Variants in MAPK3 observed in about 807,000 individuals in gnomAD.
MAPK3 encodes the protein MAPK 1.
MAPK3 carries 30 observed loss-of-function variants against 41.8 expected under a neutral mutation model. That is an observed-to-expected ratio of 0.72 (90% CI 0.54 to 0.97). The LOEUF (loss-of-function observed/expected upper bound fraction) is 0.97. MAPK3 is among the 50% of genes least tolerant of loss of function. The pLI is 0.00. For synonymous variants in MAPK3, 222 were observed against 213.4 expected, an observed-to-expected ratio of 1.04 and a Z score of -0.35; for missense variants, 413 against 509.9, an observed-to-expected ratio of 0.81 and a Z score of 1.83.
chr16:30,116,370 C>T (rs1190098471), intron 8 of MAPK3, among the ~76,000 whole-genome samples: 1 of 151,746 alleles, frequency 6.6e-6, no homozygotes, highest in Non-Finnish European at 1.5e-5. Flanking sequence ...GATGGGATTT[C>T]ACCATGCAGG....
At position 30,117,302 on chromosome 16, in the gene MAPK3, G is replaced by C. The variant is rs1415011125; in HGVS notation, c.776-17C>G. The C allele has an allele frequency of 6.2e-7, 1 of 1,613,232 alleles. No individual in the cohort carries two copies. On this transcript the variant is annotated splice_polypyrimidine_tract_variant and intron_variant, in intron 5 of 8. Coordinates refer to ENST00000263025, the MANE Select transcript of MAPK3 (RefSeq NM_002746.3). ...CCAGGATGCCTGTGGATAAGGAGGT[G>C]ACTTGGTAAATGATCACCTCTTTCT...
At chr16:30,117,412 A>G (rs2072967769) in intron 5 of MAPK3, 127 bp from the exon 6 acceptor site, 1 of 978,744 alleles carries the variant, frequency 1.0e-6, no homozygotes, top group South Asian at 1.5e-5. Flanking sequence ...CCTCCTAGTC[A>G]TTAGCATGGT....
chr16:30,122,991 C>T, intron 1 of MAPK3, 49 bp downstream of exon 1: 1 of 1,362,750 alleles, frequency 7.3e-7, no homozygotes, highest in Non-Finnish European at 9.7e-7. Flanking sequence ...TCCTCTCCCG[C>T]GAAGCCCCCT....
At chr16:30,123,011 G>A (rs2073032591) in intron 1 of MAPK3, 29 bp downstream of exon 1, 2 of 1,457,266 alleles carry the variant, frequency 1.4e-6, no homozygotes, top group Non-Finnish European at 1.8e-6. Flanking sequence ...TCCCCTGAGG[G>A]CACCCCCTCC....
chr16:30,123,181 C>G lies in MAPK3; in HGVS notation c.29G>C (p.Gly10Ala). 1 of 1,344,234 alleles carries G rather than the reference C, an allele frequency of 7.4e-7. No homozygotes were observed. Among genetic ancestry groups the G allele is most frequent in the Middle Eastern group, 2.5e-4 (1 of 3,966 alleles). 83.3% of individuals were successfully genotyped at this position (1,344,234 alleles called of 1,614,324 possible). ...CTCGGTTCTACGGGGCTCCCCGCCCCCGCCCCCCTGAGCCGCCGCCGCCGC... is the reference window on the plus strand; with the variant it reads ...CTCGGTTCTACGGGGCTCCCCGCCCGCGCCCCCCTGAGCCGCCGCCGCCGC... MAAAAAQGG[G>A]GGEPRRTEGV... is the part of the protein sequence containing the mutation. The change falls in exon 1 of 9, where the codon GGG becomes GCG. Residue 10 changes from glycine to alanine, a missense_variant. Physicochemically the swap from Gly to Ala is moderately conservative, Grantham distance 60 (BLOSUM62 0). Coordinates refer to ENST00000263025, the MANE Select transcript of MAPK3 (RefSeq NM_002746.3).
chr16:30,122,038 G>C (rs748169937), intron 1 of MAPK3, 32 bp from the exon 2 acceptor site: 1 of 1,611,982 alleles, frequency 6.2e-7, no homozygotes, highest in East Asian at 2.2e-5. Flanking sequence ...TGCTGCTGTG[G>C]CCTTACAAAG....
chr16:30,116,985 C>T lies in MAPK3; in HGVS notation c.926G>A (p.Arg309Gln), dbSNP rs1019644388. 2.5e-5 allele frequency: 40 copies of T among 1,606,972 alleles called. No individual in the cohort carries two copies. The highest frequency in any genetic ancestry group is 3.3e-4 in the Middle Eastern group (2 of 6,050). The change falls in exon 7 of 9, where the codon CGG becomes CAG. Residue 309 changes from arginine (R) to glutamine (Q), a missense_variant. By Grantham distance (43) the Arg-to-Gln change is conservative. Transcript: ENST00000263025. Reference protein sequence around the residue: ...SDSKALDLLDRMLTFNPNKRI... With the variant: ...SDSKALDLLDQMLTFNPNKRI... ...TTTATTGGGGTTAAAGGTTAACATC[C>T]GGTCCAGCAGGTCAAGGGCTATGGA...
At chr16:30,120,432 T>C (rs1041620249) in intron 2 of MAPK3, among the ~76,000 whole-genome samples, 3 of 152,028 alleles carry the variant, frequency 2.0e-5, no homozygotes, top group Non-Finnish European at 2.9e-5. Context: ...AGGGAAGAAG[T>C]GACAGGTGTC....
intron 2 of MAPK3, among the ~76,000 whole-genome samples, chr16:30,120,082 T>C (rs1265019513): frequency 6.6e-6 from 1 of 152,142 alleles, no homozygotes; most frequent in Non-Finnish European, 1.5e-5. Flanking sequence ...GGCAGGAGAA[T>C]AGCTTGAACC....
chr16:30,119,402 T>C (rs892809739), intron 2 of MAPK3, among the ~76,000 whole-genome samples: 2 of 152,146 alleles, frequency 1.3e-5, no homozygotes, highest in Admixed American at 6.6e-5. Context: ...TCCTTCCACC[T>C]CGGCCTCCCA....
chr16:30,119,362 G>A (rs1200947672), intron 2 of MAPK3, among the ~76,000 whole-genome samples: 2 of 152,044 alleles, frequency 1.3e-5, no homozygotes, highest in African/African-American at 4.8e-5. Context: ...CTGTTGCCCA[G>A]GCAGGTCTTG....
chr16:30,122,132 A>C, intron 1 of MAPK3, 126 bp from the exon 2 acceptor site: 1 of 862,612 alleles, frequency 1.2e-6, no homozygotes, highest in Non-Finnish European at 1.9e-6. Flanking sequence ...ATCATAAACA[A>C]TGCTGGTTCC....
chr16:30,118,374 A>C lies in MAPK3; in HGVS notation c.518T>G (p.Leu173Arg). The C allele has an allele frequency of 6.2e-7, 1 of 1,612,414 alleles. No homozygotes were observed. The highest frequency in any genetic ancestry group is 8.5e-7 in the Non-Finnish European group (1 of 1,179,178). ...CTTAAGGTCGCAGGTGGTGTTGATG[A>C]GCAGGTTGGAGGGCTTTAGATCTCG... ...LHRDLKPSNL[L>R]INTTCDLKIC... The change falls in exon 3 of 9, where the codon CTC becomes CGC. Residue 173 changes from leucine (L) to arginine (R), a missense_variant. Transcript: ENST00000263025.
chr16:30,121,895 G>A lies in MAPK3; in HGVS notation c.282C>T (p.Arg94=), dbSNP rs536896416. The A allele has an allele frequency of 6.2e-7, 1 of 1,614,188 alleles. No homozygotes were observed. The highest frequency in any genetic ancestry group is 1.1e-5 in the South Asian group (1 of 91,080). Residue 94 remains arginine, a synonymous_variant, in exon 2 of 9, where the codon CGC becomes CGT. Coordinates refer to ENST00000263025, the MANE Select transcript of MAPK3 (RefSeq NM_002746.3). Reference sequence around the variant, plus strand: ...TGCCGATGACATTCTCATGGCGGAAGCGCAGCAGGATCTGGATCTCCCGGA... The same window carrying A: ...TGCCGATGACATTCTCATGGCGGAAACGCAGCAGGATCTGGATCTCCCGGA... ...RTLREIQILL[R]FRHENVIGIR...
intron 5 of MAPK3, 101 bp downstream of exon 5, chr16:30,117,569 G>A (rs1008090157): frequency 4.4e-6 from 4 of 907,132 alleles, no homozygotes; most frequent in African/African-American, 3.3e-5. Context: ...TGAGATGCTG[G>A]AGGCACCCCA....
In MAPK3 at chr16:30,123,153, C is replaced by G. The variant is rs763563576; in HGVS notation, c.57G>C (p.Gly19=). Residue 19 remains glycine, a synonymous_variant, in exon 1 of 9, where the codon GGG becomes GGC. Transcript: ENST00000263025. ...CCTCCCCCGGGACCCCCGGGCCGAC[C>G]CCCTCGGTTCTACGGGGCTCCCCGC... ...GGGGEPRRTE[G]VGPGVPGEVE... is the part of the protein sequence containing the mutation. The G allele has an allele frequency of 1.3e-6, 2 of 1,515,122 alleles. No homozygotes were observed. The highest frequency in any genetic ancestry group is 1.2e-5 in the South Asian group (1 of 80,960). 93.9% of individuals were successfully genotyped at this position (1,515,122 alleles called of 1,614,324 possible). A position where few individuals can be genotyped will look rare whatever the true frequency, so the allele number is the denominator to read the frequency against.
In MAPK3 at chr16:30,118,114, G is replaced by C. The variant is rs1159063202; in HGVS notation, c.593C>G (p.Thr198Ser). 2 of 1,614,164 alleles carry C rather than the reference G, an allele frequency of 1.2e-6. No homozygotes were observed. The highest frequency in any genetic ancestry group is 1.7e-6 in the Non-Finnish European group (2 of 1,180,024). ...AGCCACATACTCCGTCAGGAAGCCGGTGTGGTCATGCTCAGGATCGGCAAT... is the reference window on the plus strand; with the variant it reads ...AGCCACATACTCCGTCAGGAAGCCGCTGTGGTCATGCTCAGGATCGGCAAT... ...ARIADPEHDH[T>S]GFLTEYVATR... Residue 198 changes from threonine (T) to serine (S), a missense_variant, in exon 4 of 9, where the codon ACC (threonine) becomes AGC (serine). Coordinates refer to ENST00000263025, the MANE Select transcript of MAPK3 (RefSeq NM_002746.3).
intron 2 of MAPK3, among the ~76,000 whole-genome samples, chr16:30,120,828 C>A (rs182828556): frequency 6.6e-6 from 1 of 151,566 alleles, no homozygotes; most frequent in Non-Finnish European, 1.5e-5. Context: ...GGACTATAGT[C>A]GTGTACCACC....
intron 3 of MAPK3, 39 bp downstream of exon 3, chr16:30,118,310 A>G (rs765405461): frequency 6.3e-7 from 1 of 1,590,072 alleles, no homozygotes; most frequent in Non-Finnish European, 8.6e-7. Flanking sequence ...GAAGCCCCAG[A>G]CCCTGGGGGA....
Sources: allele counts gnomAD v4.1 joint callset (sites outside exome capture counted in the v4.1 genomes callset), GRCh38; gene constraint gnomAD v4.1.1; transcripts MANE v1.5; gene names NCBI Gene and HGNC (gene_info 2026-07-23, HGNC 2026-07-21).